MALRD1: variants seen among roughly 807,000 people sequenced by gnomAD.
MALRD1 encodes MAM and LDL receptor class A domain containing 1, also known as MAM and LDL-receptor class A domain-containing protein 1.
In MALRD1, 247 loss-of-function variants were observed where a neutral mutation model predicts 242.1. That is an observed-to-expected ratio of 1.02 (90% CI 0.92 to 1.13). The LOEUF is 1.13. MALRD1 is among the 50% of genes most tolerant of loss of function. The pLI, the probability that MALRD1 is intolerant of heterozygous loss-of-function variation, is 0.00. For missense variants in MALRD1, 2,989 were observed against 2,533.1 expected (o/e 1.18, Z -3.86); for synonymous variants, 995 against 866.6 (o/e 1.15, Z -2.60).
In MALRD1 at chr10:19,567,567, G is replaced by A. The variant is rs531402391; in HGVS notation, c.5544G>A (p.Thr1848=). The A allele has an allele frequency of 2.6e-5, 40 of 1,550,390 alleles. No individual in the cohort carries two copies. The highest frequency in any genetic ancestry group is 2.6e-4 in the Admixed American group (13 of 50,974). The change falls in exon 33 of 40, where the codon ACG becomes ACA. Residue 1848 remains threonine (T), a synonymous_variant. Transcript: ENST00000454679. ...LVWSVIGNKR[T]GWTYGSVPLS... is the part of the protein sequence containing the mutation. The stretch of plus-strand genomic sequence containing the variant: ...GGTCAGTGATTGGAAATAAAAGAAC[G>A]GGATGGACATATGGCTCTGTGCCTC...
intron 36 of MALRD1, among the ~76,000 whole-genome samples, chr10:19,620,083 A>G (rs35975318): frequency 5.9e-5 from 9 of 151,930 alleles, no homozygotes; most frequent in African/African-American, 2.2e-4. Flanking sequence ...ATAATCAAAG[A>G]CCTTAAAGTA....
At chr10:19,530,394 AT>A (rs1168870974) in intron 31 of MALRD1, among the ~76,000 whole-genome samples, 4 of 47,256 alleles carry the variant, frequency 8.5e-5, no homozygotes, top group African/African-American at 3.2e-4. Flanking sequence ...ATATATTTAT[AT>A]AAATATTATA....
intron 2 of MALRD1, among the ~76,000 whole-genome samples, chr10:19,086,363 T>C (rs1331814272): frequency 6.6e-6 from 1 of 152,068 alleles, no homozygotes; most frequent in South Asian, 2.1e-4. Context: ...ATCATCATCA[T>C]ATTTCTCATT....
chr10:19,609,978 G>A (rs1053103159), intron 35 of MALRD1, among the ~76,000 whole-genome samples: 11 of 151,530 alleles, frequency 7.3e-5, no homozygotes, highest in Admixed American at 5.9e-4. Context: ...TGATGATACA[G>A]CTTAATAAAG....
intron 28 of MALRD1, among the ~76,000 whole-genome samples, chr10:19,447,194 A>G (rs184453750): frequency 2.4e-4 from 36 of 152,186 alleles, no homozygotes; most frequent in Middle Eastern, 3.4e-3. Context: ...GGTAGGCTCC[A>G]TGTCTTTTCA....
intron 26 of MALRD1, among the ~76,000 whole-genome samples, chr10:19,352,894 A>G (rs2131001023): frequency 6.6e-6 from 1 of 152,344 alleles, no homozygotes; most frequent in Non-Finnish European, 1.5e-5. Context: ...AGCAAGCACC[A>G]TTAACCCATA....
At chr10:19,281,994 A>C (rs1022433344) in intron 20 of MALRD1, among the ~76,000 whole-genome samples, 4 of 151,472 alleles carry the variant, frequency 2.6e-5, no homozygotes, top group Non-Finnish European at 1.5e-5. Flanking sequence ...AAATGAACAC[A>C]TAACATGAGA....
intron 36 of MALRD1, among the ~76,000 whole-genome samples, chr10:19,642,245 G>A (rs11010886): frequency 0.057 from 8,658 of 152,128 alleles, 296 homozygotes; most frequent in Middle Eastern, 0.092. Flanking sequence ...AGTTAATTCT[G>A]TCACTCTTCT....
chr10:19,237,625 T>G lies in MALRD1; in HGVS notation c.2992-20059T>G, dbSNP rs1483516012. Among the ~76,000 whole-genome samples the G allele has an allele frequency of 7.8e-4, 40 of 51,322 alleles. 1 individual carries two copies. In the South Asian group the frequency reaches 0.02, roughly 26 times the overall value. 33.7% of individuals were successfully genotyped at this position (51,322 alleles called of 152,430 possible). A position where few individuals can be genotyped will look rare whatever the true frequency, so the allele number is the denominator to read the frequency against. ...TTATAATTATAATTATATAATTATA[T>G]AATTATAATTATATATAAATTATTA... On this transcript the variant is annotated intron_variant, in intron 18 of 39. Transcript: ENST00000454679.
chr10:19,051,921 CAAAAAAAAAAAAAA>C (rs1178410946), intron 1 of MALRD1: 4 of 62,726 alleles, frequency 6.4e-5, no homozygotes, highest in African/African-American at 8.1e-5. Flanking sequence ...GACTCCGTCT[CAAAAAAAAAAAAAA>C]AAAAAAAAAA....
chr10:19,205,682 G>A (rs1253121968), intron 17 of MALRD1, among the ~76,000 whole-genome samples: 1 of 152,032 alleles, frequency 6.6e-6, no homozygotes, highest in East Asian at 1.9e-4. Context: ...GTCAAACCAT[G>A]TATCTAAAAA....
chr10:19,164,088 T>C (rs1178808085), intron 12 of MALRD1, among the ~76,000 whole-genome samples: 1 of 152,214 alleles, frequency 6.6e-6, no homozygotes, highest in African/African-American at 2.4e-5. Context: ...TTCCATGGAA[T>C]TTAATTAAAC....
chr10:19,442,856 C>T (rs1286405838), intron 28 of MALRD1, among the ~76,000 whole-genome samples: 2 of 152,152 alleles, frequency 1.3e-5, no homozygotes, highest in Non-Finnish European at 2.9e-5. Context: ...GGAGGATTCC[C>T]TCTTTCTCTC....
At chr10:19,474,060 A>C (rs1047912305) in intron 29 of MALRD1, among the ~76,000 whole-genome samples, 8 of 151,938 alleles carry the variant, frequency 5.3e-5, no homozygotes, top group African/African-American at 1.7e-4. Context: ...TTTGGTTTTC[A>C]TTTGTATTTC....
At chr10:19,118,454 T>C (rs113246352) in intron 5 of MALRD1, among the ~76,000 whole-genome samples, 286 of 152,286 alleles carry the variant, frequency 1.9e-3, no homozygotes, top group Non-Finnish European at 1.9e-3. Flanking sequence ...TTCCAGGTCA[T>C]AGGTGGATTC....
intron 31 of MALRD1, among the ~76,000 whole-genome samples, chr10:19,508,858 G>A (rs1291046926): frequency 1.3e-5 from 2 of 152,120 alleles, no homozygotes; most frequent in Non-Finnish European, 2.9e-5. Context: ...TGTCTACCAA[G>A]TGAATAAAAC....
intron 39 of MALRD1, among the ~76,000 whole-genome samples, chr10:19,733,715 A>G (rs1187624047): frequency 4.7e-5 from 7 of 147,766 alleles, no homozygotes; most frequent in African/African-American, 1.5e-4. Context: ...TATATTATAT[A>G]TATATATAAT....
At chr10:19,554,326 A>G (rs1835618744) in intron 32 of MALRD1, among the ~76,000 whole-genome samples, 1 of 152,066 alleles carries the variant, frequency 6.6e-6, no homozygotes, top group Admixed American at 6.6e-5. Context: ...ACGTGCTGAG[A>G]GCAGGAGCAA....
rs140657055 is a variant in MALRD1 at position 19,122,733 on chromosome 10, A to AT, written c.695-749dup. On this transcript the variant is annotated intron_variant, in intron 5 of 39. Transcript: ENST00000454679. ...AAAAGAAAACAAAAACACAGGCACA[A>AT]TTTTTTTTTTGAGATGGAGTCTCAC... Among the ~76,000 whole-genome samples, 483 of 150,040 alleles carry AT rather than the reference A, an allele frequency of 3.2e-3. 3 individuals carry two copies. The highest frequency in any genetic ancestry group is 0.011 in the African/African-American group (454 of 40,954).
Sources: allele counts gnomAD v4.1 joint callset (sites outside exome capture counted in the v4.1 genomes callset), GRCh38; gene constraint gnomAD v4.1.1; transcripts MANE v1.5; gene names NCBI Gene and HGNC (gene_info 2026-07-23, HGNC 2026-07-21).